The following NEGR1 variants were observed in gnomAD, a reference collection of about 807,000 sequenced individuals.
The protein encoded by NEGR1 is neuronal growth regulator 1.
NEGR1 carries 10 observed loss-of-function variants against 40.9 expected under a neutral mutation model. The observed-to-expected ratio is 0.24, with a 90% CI of 0.15 to 0.42. The LOEUF is 0.42. Ranked by LOEUF, NEGR1 falls within the 10% of genes least tolerant of loss-of-function variation. The probability of loss-of-function intolerance (pLI) is 1.00; values close to 1 mark genes in which losing one functional copy is unlikely to be tolerated. For synonymous variants in NEGR1, 185 were observed against 166.8 expected (o/e 1.11, Z -0.84); for missense variants, 352 against 438.9 (o/e 0.80, Z 1.77).
chr1:71,607,019 C>A (rs530999218), intron 5 of NEGR1, among the ~76,000 whole-genome samples: 1 of 152,274 alleles, frequency 6.6e-6, no homozygotes, highest in African/African-American at 2.4e-5. Context: ...TATAAACATT[C>A]TCTTACATAG....
intron 2 of NEGR1, among the ~76,000 whole-genome samples, chr1:71,816,060 A>T (rs1658195394): frequency 6.6e-6 from 1 of 152,088 alleles, no homozygotes; most frequent in African/African-American, 2.4e-5. Context: ...TTTTTATCCC[A>T]AATATCCCTT....
intron 6 of NEGR1, among the ~76,000 whole-genome samples, chr1:71,410,569 G>A (rs1367749928): frequency 6.6e-6 from 1 of 152,040 alleles, no homozygotes; most frequent in East Asian, 1.9e-4. Flanking sequence ...AGTAATCTAG[G>A]CAACAGTTAC....
rs147867942 is a variant in NEGR1 at position 71,632,838 on chromosome 1, T to C, written c.668-21692A>G. Among the ~76,000 whole-genome samples, 59 of 152,126 alleles carry C rather than the reference T, an allele frequency of 3.9e-4. 1 individual carries two copies. In the East Asian group the frequency reaches 0.011, roughly 28 times the overall value. On this transcript the variant is annotated intron_variant, in intron 4 of 6. Coordinates refer to ENST00000357731, the MANE Select transcript of NEGR1 (RefSeq NM_173808.3). ...TATAGTTTTCCTACTGTACAATCTG[T>C]TAACTTATGGGAAAGCATTTCCAAG... is the stretch of plus-strand genomic sequence containing the variant.
intron 6 of NEGR1, among the ~76,000 whole-genome samples, chr1:71,509,573 C>T (rs897836510): frequency 3.9e-5 from 6 of 152,156 alleles, no homozygotes; most frequent in African/African-American, 1.4e-4. Flanking sequence ...TGCTTCAGTC[C>T]AATTGGCCAT....
chr1:71,999,401 T>C (rs949669807), intron 1 of NEGR1, among the ~76,000 whole-genome samples: 1 of 151,494 alleles, frequency 6.6e-6, no homozygotes, highest in Non-Finnish European at 1.5e-5. Flanking sequence ...CACCCATTTT[T>C]TTCCTGTCTG....
At chr1:72,037,372 T>C (rs2100449857) in intron 1 of NEGR1, among the ~76,000 whole-genome samples, 1 of 152,278 alleles carries the variant, frequency 6.6e-6, no homozygotes, top group Non-Finnish European at 1.5e-5. Flanking sequence ...CTTTACAACA[T>C]TATGAAGTCA....
At chr1:71,632,620 A>G (rs1383855364) in intron 4 of NEGR1, among the ~76,000 whole-genome samples, 1 of 151,700 alleles carries the variant, frequency 6.6e-6, no homozygotes, top group Non-Finnish European at 1.5e-5. Context: ...TAGCACCACT[A>G]TTAATAATTA....
chr1:72,064,190 T>G (rs1376703318), intron 1 of NEGR1, among the ~76,000 whole-genome samples: 1 of 152,008 alleles, frequency 6.6e-6, no homozygotes, highest in African/African-American at 2.4e-5. Flanking sequence ...TCATTTATTT[T>G]GTAGAAAAAA....
chr1:71,524,644 C>A (rs1647195681), intron 6 of NEGR1, among the ~76,000 whole-genome samples: 1 of 151,544 alleles, frequency 6.6e-6, no homozygotes, highest in Admixed American at 6.6e-5. Context: ...CCAAAGATGT[C>A]TACATTCTAA....
chr1:71,839,419 C>A (rs1034267441), intron 2 of NEGR1, among the ~76,000 whole-genome samples: 19 of 151,498 alleles, frequency 1.3e-4, no homozygotes, highest in African/African-American at 4.4e-4. Flanking sequence ...CCATATTGGC[C>A]AGGCTGGTCT....
chr1:71,607,594 T>C (rs555098264), intron 5 of NEGR1, among the ~76,000 whole-genome samples: 8 of 152,394 alleles, frequency 5.2e-5, no homozygotes, highest in African/African-American at 1.9e-4. Flanking sequence ...CCTTACAGGT[T>C]TGTTATAAGA....
intron 1 of NEGR1, among the ~76,000 whole-genome samples, chr1:72,177,516 T>C (rs748614178): frequency 2.0e-5 from 3 of 152,092 alleles, no homozygotes; most frequent in African/African-American, 7.2e-5. Context: ...TTTTGAATTA[T>C]CTTCTTTTTA....
chr1:71,596,757 A>G (rs1418430171), intron 5 of NEGR1, among the ~76,000 whole-genome samples: 3 of 152,246 alleles, frequency 2.0e-5, no homozygotes, highest in Non-Finnish European at 4.4e-5. Context: ...ATAACAACAG[A>G]TATCTCTAGA....
At chr1:71,494,022 A>C (rs1646946298) in intron 6 of NEGR1, among the ~76,000 whole-genome samples, 1 of 152,138 alleles carries the variant, frequency 6.6e-6, no homozygotes, top group South Asian at 2.1e-4. Flanking sequence ...CTTTCCTTGA[A>C]CACTCAGTTT....
chr1:71,749,607 T>A (rs1284012116), intron 3 of NEGR1, among the ~76,000 whole-genome samples: 1 of 152,186 alleles, frequency 6.6e-6, no homozygotes, highest in Non-Finnish European at 1.5e-5. Context: ...TTCTTCACTG[T>A]ACTTGGCCTG....
chr1:71,906,016 T>C (rs994222909), intron 2 of NEGR1, among the ~76,000 whole-genome samples: 1 of 152,086 alleles, frequency 6.6e-6, no homozygotes, highest in East Asian at 1.9e-4. Context: ...TTCCACCATA[T>C]TATATCAAAA....
At chr1:71,829,403 G>A (rs985703904) in intron 2 of NEGR1, among the ~76,000 whole-genome samples, 11 of 151,864 alleles carry the variant, frequency 7.2e-5, no homozygotes, top group Non-Finnish European at 1.3e-4. Flanking sequence ...TGATGAGGCA[G>A]ACAACCAGTC....
At chr1:71,816,854 T>C (rs971667545) in intron 2 of NEGR1, among the ~76,000 whole-genome samples, 1 of 151,996 alleles carries the variant, frequency 6.6e-6, no homozygotes, top group Non-Finnish European at 1.5e-5. Context: ...GTGCTTGTAT[T>C]ACATCCCTTA....
intron 2 of NEGR1, 55 bp downstream of exon 2, chr1:71,935,024 A>G (rs1645890756): frequency 2.0e-6 from 2 of 1,020,532 alleles, no homozygotes; most frequent in African/African-American, 3.2e-5. Context: ...ATACCTAAAT[A>G]TTAAATATTT....
Sources: gnomAD v4.1 joint callset for allele counts (sites outside exome capture counted in the v4.1 genomes callset) on GRCh38, gnomAD v4.1.1 for gene constraint, MANE v1.5 for transcripts, NCBI Gene and HGNC (gene_info 2026-07-23, HGNC 2026-07-21) for gene names.